The following PTPRA variants were observed in gnomAD, a reference collection of about 807,000 sequenced individuals.
PTPRA encodes the protein receptor-type tyrosine-protein phosphatase alpha.
A neutral mutation model predicts 104.8 loss-of-function variants in PTPRA; 25 were observed. That is an observed-to-expected ratio of 0.24 (90% CI 0.17 to 0.33). The LOEUF (loss-of-function observed/expected upper bound fraction) is 0.33, where lower values mean the gene tolerates loss of function less well. Ranked by LOEUF, PTPRA falls within the 10% of genes least tolerant of loss-of-function variation. The pLI is 1.00. For missense variants in PTPRA, 765 were observed against 1,015.3 expected (o/e 0.75, Z 3.35); for synonymous variants, 323 against 368.9 (o/e 0.88, Z 1.43).
intron 5 of PTPRA, 60 bp from the exon 6 acceptor site, chr20:2,975,155 T>C: frequency 2.1e-6 from 3 of 1,415,424 alleles, no homozygotes; most frequent in Non-Finnish European, 2.9e-6. Context: ...GTACTCTAAT[T>C]GAATTGTAAT....
At chr20:2,900,968 T>A (rs888263780) in intron 1 of PTPRA, among the ~76,000 whole-genome samples, 2 of 152,056 alleles carry the variant, frequency 1.3e-5, no homozygotes, top group Non-Finnish European at 2.9e-5. Flanking sequence ...CTAATTTTGT[T>A]TTTTTTGTTT....
At chr20:2,896,577 A>G (rs148896549) in intron 1 of PTPRA, among the ~76,000 whole-genome samples, 1 of 152,244 alleles carries the variant, frequency 6.6e-6, no homozygotes, top group Non-Finnish European at 1.5e-5. Flanking sequence ...GAATCATTTG[A>G]GAAATAAGTT....
intron 3 of PTPRA, among the ~76,000 whole-genome samples, chr20:2,956,659 TAAAAATAAATAA>T (rs994065707): frequency 1.0e-5 from 1 of 95,906 alleles, no homozygotes; most frequent in African/African-American, 6.2e-5. Context: ...TCTCAGTAAA[TAAAAATAAATAA>T]ATAAATAAAT....
intron 9 of PTPRA, among the ~76,000 whole-genome samples, chr20:2,991,191 T>A (rs956300071): frequency 1.3e-5 from 2 of 152,032 alleles, no homozygotes; most frequent in African/African-American, 4.8e-5. Context: ...CCATCCCATC[T>A]CTACTAAAAA....
intron 10 of PTPRA, 32 bp downstream of exon 10, chr20:3,005,178 C>G (rs2063806490): frequency 2.0e-6 from 3 of 1,517,936 alleles, no homozygotes; most frequent in East Asian, 4.5e-5. Flanking sequence ...TGGGATGTAA[C>G]CTGAAATTAC....
chr20:2,880,854 A>G (rs1052588985), intron 1 of PTPRA, among the ~76,000 whole-genome samples: 1 of 152,076 alleles, frequency 6.6e-6, no homozygotes, highest in Non-Finnish European at 1.5e-5. Flanking sequence ...TCTACCAAAA[A>G]TAAAAAATTA....
Position 3,038,182 on chromosome 20 carries a change from A to C in PTPRA, c.*49A>C, listed in dbSNP as rs373000465. On this transcript the variant is annotated 3_prime_UTR_variant, in exon 24 of 24. Coordinates refer to ENST00000399903, the MANE Select transcript of PTPRA (RefSeq NM_001385305.1). ...AGGAGGATTGCCTTTAATATTTTGT[A>C]ATATTCTGTTTTGTTAATATACCCC... 1.3e-6 allele frequency: 2 copies of C among 1,527,838 alleles called. No homozygotes were observed. Among genetic ancestry groups the C allele is most frequent in the African/African-American group, 2.7e-5 (2 of 72,868 alleles). 94.6% of individuals were successfully genotyped at this position (1,527,838 alleles called of 1,614,324 possible).
intron 9 of PTPRA, among the ~76,000 whole-genome samples, chr20:2,997,618 A>C (rs2063451071): frequency 6.6e-6 from 1 of 152,230 alleles, no homozygotes; most frequent in South Asian, 2.1e-4. Flanking sequence ...AGACTGTAGC[A>C]TTTCCGTGAA....
At position 2,944,732 on chromosome 20, in the gene PTPRA, A is replaced by G. The variant is rs146856931; in HGVS notation, c.-49-3250A>G. Among the ~76,000 whole-genome samples, 877 of 152,326 alleles carry G rather than the reference A, an allele frequency of 5.8e-3. 3 individuals are homozygous for G. The highest frequency in any genetic ancestry group is 9.4e-3 in the Non-Finnish European group (641 of 68,022). ...ACGTAGCCATCTTTGCAAACAGTCT[A>G]CCACAGTGTCTTTTTTCCTTTCGAG... On this transcript the variant is annotated intron_variant, in intron 2 of 23. Coordinates refer to ENST00000399903, the MANE Select transcript of PTPRA (RefSeq NM_001385305.1).
At position 2,964,922 on chromosome 20, in the gene PTPRA, A is replaced by G. The variant is rs1205781264; in HGVS notation, c.135A>G (p.Glu45=). The part of the protein sequence containing the change: ...INSSTAEPVK[E]EAKTSNPTSS... ...CATCAACGGCAGAACCAGTTAAAGA[A>G]GAGGCCAAAACTTCAAATCCAACTT... Residue 45 remains glutamate (E), a synonymous_variant, in exon 5 of 24, where the codon GAA becomes GAG. Coordinates refer to ENST00000399903, the MANE Select transcript of PTPRA (RefSeq NM_001385305.1). 2 of 1,614,060 alleles carry G rather than the reference A, an allele frequency of 1.2e-6. No individual in the cohort carries two copies. Among genetic ancestry groups the G allele is most frequent in the South Asian group, 2.2e-5 (2 of 91,084 alleles).
At position 3,038,027 on chromosome 20, in the gene PTPRA, C is replaced by A. The variant is rs535355712; in HGVS notation, c.2335-32C>A. On this transcript the variant is annotated intron_variant, in intron 23 of 23. Transcript: ENST00000399903. ...ACAGGTACTGTGTGTTCTTCAGTAA[C>A]CCTGACTTTTTCCCTACCTTTCACT... 7.1e-6 allele frequency: 11 copies of A among 1,553,978 alleles called. No homozygotes were observed. The East Asian group carries it at 2.0e-4, about 29-fold the overall frequency.
chr20:2,951,001 T>A (rs902370604), intron 3 of PTPRA, among the ~76,000 whole-genome samples: 2 of 152,224 alleles, frequency 1.3e-5, no homozygotes, highest in African/African-American at 2.4e-5. Flanking sequence ...TGGTCTGTTT[T>A]CTGCCACTAT....
At chr20:2,868,423 C>G (rs2089387078), upstream of PTPRA, among the ~76,000 whole-genome samples, 1 of 149,274 alleles carries the variant, frequency 6.7e-6, no homozygotes, top group Non-Finnish European at 1.5e-5. Context: ...CTCAGCATCT[C>G]AAAGTGCTGG....
intron 1 of PTPRA, among the ~76,000 whole-genome samples, chr20:2,917,374 G>C (rs2059942709): frequency 6.6e-6 from 1 of 152,068 alleles, no homozygotes; most frequent in Admixed American, 6.6e-5. Context: ...GGCCTTAAGA[G>C]AGCCACAATT....
chr20:3,000,645 T>C (rs2063586108), intron 9 of PTPRA, among the ~76,000 whole-genome samples: 1 of 151,944 alleles, frequency 6.6e-6, no homozygotes, highest in South Asian at 2.1e-4. Context: ...TATTCATCAG[T>C]AGTAGAATGG....
intron 2 of PTPRA, among the ~76,000 whole-genome samples, chr20:2,924,832 C>T (rs1488201677): frequency 6.6e-6 from 1 of 152,088 alleles, no homozygotes; most frequent in East Asian, 1.9e-4. Flanking sequence ...AGACACGCGC[C>T]ACCACGCCCA....
Position 3,017,909 on chromosome 20 carries a change from A to G in PTPRA, c.1037A>G (p.Lys346Arg). 1 of 1,613,788 alleles carries G rather than the reference A, an allele frequency of 6.2e-7. No homozygotes were observed. Among genetic ancestry groups the G allele is most frequent in the Non-Finnish European group, 8.5e-7 (1 of 1,179,678 alleles). Residue 346 changes from lysine to arginine, a missense_variant, in exon 13 of 24, where the codon AAG (lysine) becomes AGG (arginine). Lys to Arg is a conservative substitution (Grantham distance 26). Transcript: ENST00000399903. Reference protein sequence around the residue: ...IVMVTNLKERKECKCAQYWPD... With the variant: ...IVMVTNLKERRECKCAQYWPD... ...ATGGTTACCAACCTGAAGGAGAGAAAGGAGGTAAGTGGAAAAATTGGATGT... is the reference window on the plus strand; with the variant it reads ...ATGGTTACCAACCTGAAGGAGAGAAGGGAGGTAAGTGGAAAAATTGGATGT...
chr20:2,958,844 C>CAGAA lies in PTPRA; in HGVS notation c.-6-5427_-6-5426insGAAA, dbSNP rs1164247922. ...CCTGGGCAACAGAGCGAGACTGTAT[C>CAGAA]AAAAAAAAAAAAAAAAAAAAAGAAC... is the stretch of plus-strand genomic sequence containing the variant. On this transcript the variant is annotated intron_variant, in intron 3 of 23. Coordinates refer to ENST00000399903, the MANE Select transcript of PTPRA (RefSeq NM_001385305.1). Among the ~76,000 whole-genome samples, 34 of 46,882 alleles carry CAGAA rather than the reference C, an allele frequency of 7.3e-4. No individual in the cohort carries two copies. In the South Asian group the frequency reaches 0.023, roughly 32 times the overall value. 30.8% of individuals were successfully genotyped at this position (46,882 alleles called of 152,430 possible).
chr20:2,965,747 G>A (rs910366531), intron 5 of PTPRA, among the ~76,000 whole-genome samples: 3 of 152,180 alleles, frequency 2.0e-5, no homozygotes, highest in Non-Finnish European at 4.4e-5. Context: ...GCCAGGGGTG[G>A]CATCAGGCTC....
Sources: gnomAD v4.1 joint callset for allele counts (sites outside exome capture counted in the v4.1 genomes callset) on GRCh38, gnomAD v4.1.1 for gene constraint, MANE v1.5 for transcripts, NCBI Gene and HGNC (gene_info 2026-07-23, HGNC 2026-07-21) for gene names.